The following SV2C variants were observed in gnomAD, a reference collection of about 807,000 sequenced individuals.
SV2C encodes the protein solute carrier family 22 member B3.
SV2C carries 49 observed loss-of-function variants against 79.7 expected under a neutral mutation model. The ratio of observed to expected loss-of-function variants is 0.61; its 90% confidence interval spans 0.49 to 0.78. The LOEUF is 0.78. SV2C is among the 30% of genes least tolerant of loss of function. SV2C has a pLI of 0.00. For synonymous variants in SV2C, 334 were observed against 333.2 expected (o/e 1.00, Z -0.03); for missense variants, 833 against 912.9 (o/e 0.91, Z 1.13).
chr5:75,938,551 T>C, the SV2C span, among the ~76,000 whole-genome samples: 1 of 152,194 alleles, frequency 6.6e-6, no homozygotes, highest in African/African-American at 2.4e-5. Context: ...ACATCAAAGA[T>C]ACATACCATA....
intron 4 of SV2C, among the ~76,000 whole-genome samples, chr5:76,211,454 T>C (rs1744765122): frequency 7.5e-6 from 1 of 133,772 alleles, no homozygotes; most frequent in Admixed American, 7.8e-5. Context: ...GAGAGAAGTG[T>C]TCTGGTTGCG....
At chr5:76,272,671 A>T (rs2112475896) in intron 4 of SV2C, among the ~76,000 whole-genome samples, 1 of 152,292 alleles carries the variant, frequency 6.6e-6, no homozygotes, top group South Asian at 2.1e-4. Flanking sequence ...ACTTGAAAGG[A>T]CCTTCTTGTG....
chr5:76,305,917 A>T lies in SV2C; in HGVS notation c.2000+4372A>T, dbSNP rs149429859. 1.3e-3 allele frequency among the ~76,000 whole-genome samples: 201 copies of T among 152,310 alleles called. 1 individual carries two copies. Among genetic ancestry groups the T allele is most frequent in the African/African-American group, 4.7e-3 (197 of 41,550 alleles). On this transcript the variant is annotated intron_variant, in intron 12 of 12. Transcript: ENST00000502798. ...AAAAAGAGGTGGGAGGGGACTGAACATTCCAACCCTCTGGACATATGGTTG... is the reference window on the plus strand; with the variant it reads ...AAAAAGAGGTGGGAGGGGACTGAACTTTCCAACCCTCTGGACATATGGTTG...
chr5:76,271,552 G>GGAC (rs1408331019), intron 4 of SV2C, among the ~76,000 whole-genome samples: 3 of 151,022 alleles, frequency 2.0e-5, no homozygotes, highest in Non-Finnish European at 4.4e-5. Flanking sequence ...TTATAAAAAT[G>GGAC]GACTATATAC....
At chr5:76,311,933 T>C (rs1275871204) in intron 12 of SV2C, among the ~76,000 whole-genome samples, 2 of 152,184 alleles carry the variant, frequency 1.3e-5, no homozygotes, top group Non-Finnish European at 2.9e-5. Flanking sequence ...CTTCCCTCAA[T>C]ACCCTAACTG....
At chr5:75,985,863 C>A in the SV2C span, among the ~76,000 whole-genome samples, 1 of 151,674 alleles carries the variant, frequency 6.6e-6, no homozygotes, top group Non-Finnish European at 1.5e-5. Context: ...TTTAATAAGT[C>A]TGCTTATAAA....
the SV2C span, among the ~76,000 whole-genome samples, chr5:75,991,580 T>TACAC: frequency 6.8e-6 from 1 of 146,428 alleles, no homozygotes; most frequent in African/African-American, 2.6e-5. Flanking sequence ...TATATATATA[T>TACAC]ATATACACAC....
chr5:75,852,506 T>A, the SV2C span, among the ~76,000 whole-genome samples: 1 of 152,218 alleles, frequency 6.6e-6, no homozygotes, highest in East Asian at 1.9e-4. Context: ...AATGACATAT[T>A]TAAAACACTA....
chr5:76,134,434 A>C (rs1749000370), intron 2 of SV2C, among the ~76,000 whole-genome samples: 1 of 152,208 alleles, frequency 6.6e-6, no homozygotes, highest in African/African-American at 2.4e-5. Flanking sequence ...TAGCTTTGTA[A>C]TATAATTACC....
intron 4 of SV2C, among the ~76,000 whole-genome samples, chr5:76,254,668 A>G (rs1257835490): frequency 6.6e-6 from 1 of 152,254 alleles, no homozygotes; most frequent in Non-Finnish European, 1.5e-5. Context: ...ACTTTCCCCA[A>G]GACTGTCACT....
At chr5:76,140,419 A>T (rs910546365) in intron 2 of SV2C, among the ~76,000 whole-genome samples, 3 of 152,146 alleles carry the variant, frequency 2.0e-5, no homozygotes, top group Non-Finnish European at 4.4e-5. Flanking sequence ...TCCTTTAGGG[A>T]TTAACAAAAG....
the SV2C span, among the ~76,000 whole-genome samples, chr5:75,879,803 C>T: frequency 6.6e-6 from 1 of 152,218 alleles, no homozygotes; most frequent in East Asian, 1.9e-4. Context: ...TTCTCCTCCA[C>T]ATTGCCCTAG....
At chr5:76,203,173 T>A (rs1318038466) in intron 3 of SV2C, among the ~76,000 whole-genome samples, 1 of 152,126 alleles carries the variant, frequency 6.6e-6, no homozygotes, top group Non-Finnish European at 1.5e-5. Context: ...TGTATAATTG[T>A]GAAAAATTAG....
downstream of SV2C, among the ~76,000 whole-genome samples, chr5:76,336,062 AC>A (rs1749315005): frequency 7.4e-5 from 4 of 54,372 alleles, no homozygotes; most frequent in East Asian, 5.7e-4. Context: ...TGACCCCCCC[AC>A]CTCCCTCCCG....
At chr5:76,002,522 T>C in the SV2C span, among the ~76,000 whole-genome samples, 1 of 152,202 alleles carries the variant, frequency 6.6e-6, no homozygotes, top group Non-Finnish European at 1.5e-5. Context: ...GTGAATGTAC[T>C]AAAAACCATT....
At chr5:76,271,300 G>C (rs919139372) in intron 4 of SV2C, among the ~76,000 whole-genome samples, 1 of 152,128 alleles carries the variant, frequency 6.6e-6, no homozygotes, top group African/African-American at 2.4e-5. Context: ...AAGGAATATA[G>C]ATGTGTCTTG....
chr5:75,877,409 A>G, the SV2C span, among the ~76,000 whole-genome samples: 1 of 152,116 alleles, frequency 6.6e-6, no homozygotes, highest in East Asian at 1.9e-4. Flanking sequence ...GACCTGAAGA[A>G]CATTATAAAC....
At chr5:76,305,884 A>C (rs1216354445) in intron 12 of SV2C, among the ~76,000 whole-genome samples, 1 of 152,240 alleles carries the variant, frequency 6.6e-6, no homozygotes, top group Non-Finnish European at 1.5e-5. Flanking sequence ...TGATGATTTA[A>C]GGGACACAAA....
At chr5:76,047,175 A>G in the SV2C span, among the ~76,000 whole-genome samples, 1 of 152,180 alleles carries the variant, frequency 6.6e-6, no homozygotes, top group Non-Finnish European at 1.5e-5. Context: ...CACAAAGTGA[A>G]CACACTTAGA....
Sources: allele counts gnomAD v4.1 joint callset (sites outside exome capture counted in the v4.1 genomes callset), GRCh38; gene constraint gnomAD v4.1.1; transcripts MANE v1.5; gene names NCBI Gene and HGNC (gene_info 2026-07-23, HGNC 2026-07-21).